PRDM11: variants seen among roughly 807,000 people sequenced by gnomAD.
PRDM11 encodes PR/SET domain 11.
In PRDM11, 20 loss-of-function variants were observed where a neutral mutation model predicts 97.8. The observed-to-expected ratio is 0.20, with a 90% CI of 0.14 to 0.30. PRDM11 has a LOEUF of 0.30. Ranked by LOEUF, PRDM11 falls within the 10% of genes least tolerant of loss-of-function variation. The pLI is 1.00. For missense variants in PRDM11, 1,139 were observed against 1,555.2 expected, an observed-to-expected ratio of 0.73 and a Z score of 4.50; for synonymous variants, 599 against 637.7, an observed-to-expected ratio of 0.94 and a Z score of 0.91.
At chr11:45,140,785 C>T (rs893139167) in intron 1 of PRDM11, among the ~76,000 whole-genome samples, 4 of 152,074 alleles carry the variant, frequency 2.6e-5, no homozygotes, top group Non-Finnish European at 5.9e-5. Flanking sequence ...AAAACAACCT[C>T]TCTAATGCCC....
chr11:45,202,323 G>C (rs1220479261), intron 4 of PRDM11, among the ~76,000 whole-genome samples: 1 of 152,168 alleles, frequency 6.6e-6, no homozygotes, highest in Non-Finnish European at 1.5e-5. Context: ...TCAACAAAAT[G>C]CTCACTGCAA....
intron 1 of PRDM11, among the ~76,000 whole-genome samples, chr11:45,139,898 A>G (rs991627838): frequency 4.6e-5 from 7 of 152,290 alleles, no homozygotes; most frequent in African/African-American, 1.2e-4. Flanking sequence ...GTTCAGGGAA[A>G]GAGAGAGAAA....
At chr11:45,122,691 A>G (rs1424016139) in intron 1 of PRDM11, among the ~76,000 whole-genome samples, 2 of 152,086 alleles carry the variant, frequency 1.3e-5, no homozygotes, top group Non-Finnish European at 2.9e-5. Context: ...TTATGGCTGC[A>G]TAGTATTCCA....
At chr11:45,184,401 T>C (rs1318648205) in intron 4 of PRDM11, among the ~76,000 whole-genome samples, 1 of 152,190 alleles carries the variant, frequency 6.6e-6, no homozygotes, top group Non-Finnish European at 1.5e-5. Context: ...TCAGGGGTGC[T>C]GGTCAAGAAT....
At chr11:45,151,437 T>G (rs1410275193) in intron 1 of PRDM11, among the ~76,000 whole-genome samples, 2 of 152,274 alleles carry the variant, frequency 1.3e-5, no homozygotes, top group Non-Finnish European at 2.9e-5. Context: ...GCAGCCACAT[T>G]GCTGGTGGTG....
At chr11:45,214,140 C>T (rs926952651) in intron 5 of PRDM11, 1 of 186,956 alleles carries the variant, frequency 5.3e-6, no homozygotes, top group African/African-American at 2.3e-5. Flanking sequence ...ATGTCCCATT[C>T]CAGGTTCCAG....
At chr11:45,207,205 A>C (rs1177250548) in intron 5 of PRDM11, among the ~76,000 whole-genome samples, 2 of 152,162 alleles carry the variant, frequency 1.3e-5, no homozygotes, top group Non-Finnish European at 2.9e-5. Context: ...CTTTCCCTTC[A>C]TGTCCAGCTT....
At chr11:45,157,381 A>C (rs1013312542) in intron 1 of PRDM11, among the ~76,000 whole-genome samples, 1 of 152,072 alleles carries the variant, frequency 6.6e-6, no homozygotes, top group Non-Finnish European at 1.5e-5. Flanking sequence ...TTCGCGTCCT[A>C]TGATAATCTA....
rs1188472699 is a variant in PRDM11, at chr11:45,228,315, G to A, written c.*156G>A. 4.1e-6 allele frequency: 1 copy of A among 244,728 alleles called. No individual in the cohort carries two copies. Among genetic ancestry groups the A allele is most frequent in the Non-Finnish European group, 6.7e-6 (1 of 149,824 alleles). The allele number at this position is 244,728 out of a possible 1,614,324, so 15.2% of individuals were successfully genotyped here. A position where few individuals can be genotyped will look rare whatever the true frequency, so the allele number is the denominator to read the frequency against. On this transcript the variant is annotated 3_prime_UTR_variant, in exon 8 of 8. Transcript: ENST00000683152. ...CACACTGAAAATTTTTAAAAACCAA[G>A]GTGACGCGTCCACCAGAAGCCACTG... is the stretch of plus-strand genomic sequence containing the variant.
chr11:45,128,165 TCTC>T (rs1337794074), intron 1 of PRDM11, among the ~76,000 whole-genome samples: 2 of 152,184 alleles, frequency 1.3e-5, no homozygotes, highest in Non-Finnish European at 2.9e-5. Context: ...CAGGATATAA[TCTC>T]CTGGTGTGCC....
intron 1 of PRDM11, among the ~76,000 whole-genome samples, chr11:45,156,870 CA>C (rs1296802632): frequency 6.6e-6 from 1 of 152,036 alleles, no homozygotes; most frequent in Non-Finnish European, 1.5e-5. Flanking sequence ...GAGGGAAGGG[CA>C]TTTTAGGCAC....
rs767802218 is a variant in PRDM11 at position 45,101,567 on chromosome 11, A to AAAAAAAAAAAGAAGAAG, written c.96+5668_96+5669insAAAAAAAAGAAGAAGAA. ...CAACACTCTGTCTCAAAAAAAAAAAAAAGAAGAAGAAGAAGAAGAAGAAGA... is the reference window on the plus strand; with the variant it reads ...CAACACTCTGTCTCAAAAAAAAAAAAAAAAAAAAAAGAAGAAGAAGAAGAAGAAGAAGAAGAAGAAGA... On this transcript the variant is annotated intron_variant, in intron 1 of 6. Transcript: ENST00000530656. Among the ~76,000 whole-genome samples the AAAAAAAAAAAGAAGAAG allele has an allele frequency of 1.3e-3, 130 of 96,838 alleles. 2 individuals carry two copies. Among genetic ancestry groups the AAAAAAAAAAAGAAGAAG allele is most frequent in the Admixed American group, 2.4e-3 (23 of 9,418 alleles). 63.5% of individuals were successfully genotyped at this position (96,838 alleles called of 152,430 possible).
In PRDM11 at chr11:45,225,917, A is replaced by G. The variant is rs912184759; in HGVS notation, c.1370-78A>G. ...TCCCATGGTGTGGCACCTACCTTCC[A>G]GGAGTGTTTCCTGTGGATTTTGGAA... On this transcript the variant is annotated intron_variant, in intron 7 of 7. Coordinates refer to ENST00000683152, the MANE Select transcript of PRDM11 (RefSeq NM_001384648.1). 4.9e-6 allele frequency: 7 copies of G among 1,425,680 alleles called. No individual in the cohort carries two copies. In the Admixed American group the frequency reaches 1.1e-4, roughly 23 times the overall value. 88.3% of individuals were successfully genotyped at this position (1,425,680 alleles called of 1,614,324 possible). A position where few individuals can be genotyped will look rare whatever the true frequency, so the allele number is the denominator to read the frequency against.
intron 1 of PRDM11, among the ~76,000 whole-genome samples, chr11:45,109,809 G>A (rs563181738): frequency 6.6e-6 from 1 of 152,330 alleles, no homozygotes; most frequent in East Asian, 1.9e-4. Flanking sequence ...AGATGGGGAA[G>A]GGTGGGCTTT....
chr11:45,208,682 G>A lies in PRDM11; in HGVS notation c.554+3904G>A, dbSNP rs535700428. 1.2e-4 allele frequency among the ~76,000 whole-genome samples: 18 copies of A among 152,200 alleles called. No homozygotes were observed. In the East Asian group the frequency reaches 2.9e-3, roughly 25 times the overall value. Reference sequence around the variant, plus strand: ...AGTTCAGTGCTCCCTCCCATGTAACGCCGTCTCTTCTTTCCACCCTCCCCT... The same window carrying A: ...AGTTCAGTGCTCCCTCCCATGTAACACCGTCTCTTCTTTCCACCCTCCCCT... On this transcript the variant is annotated intron_variant, in intron 5 of 7. Transcript: ENST00000683152.
Position 45,219,837 on chromosome 11 carries a change from G to A in PRDM11, c.742+80G>A, listed in dbSNP as rs369383462. 1.5e-5 allele frequency: 21 copies of A among 1,436,024 alleles called. No homozygotes were observed. The East Asian group carries it at 2.7e-4, about 19-fold the overall frequency. The allele number at this position is 1,436,024 out of a possible 1,614,324, so 89.0% of individuals were successfully genotyped here. A position where few individuals can be genotyped will look rare whatever the true frequency, so the allele number is the denominator to read the frequency against. On this transcript the variant is annotated intron_variant, in intron 6 of 7. Transcript: ENST00000683152. The surrounding 1 kb of genome is among the most constrained non-coding windows in gnomAD (Gnocchi z 4.2). ...TGGATAGCTTGTTTTGGAGCTTCCT[G>A]AGAAATACGGTTCCCAGCAATGGGA...
intron 1 of PRDM11, among the ~76,000 whole-genome samples, chr11:45,100,899 A>G (rs1851962108): frequency 6.6e-6 from 1 of 152,360 alleles, no homozygotes; most frequent in Middle Eastern, 3.4e-3. Flanking sequence ...TACAAAGTTT[A>G]AGTATTTGCC....
intron 1 of PRDM11, among the ~76,000 whole-genome samples, chr11:45,167,541 T>C (rs1016292662): frequency 3.9e-5 from 6 of 152,102 alleles, no homozygotes; most frequent in Non-Finnish European, 8.8e-5. Flanking sequence ...TCAGCAGCTT[T>C]TGTAGCAAGC....
intron 5 of PRDM11, chr11:45,212,496 C>T (rs1172800683): frequency 6.9e-6 from 3 of 434,016 alleles, no homozygotes; most frequent in Non-Finnish European, 1.4e-5. Flanking sequence ...GCGCCTGGGC[C>T]CTCAAGGCAG....
Sources: allele counts gnomAD v4.1 joint callset (sites outside exome capture counted in the v4.1 genomes callset), GRCh38; gene constraint gnomAD v4.1.1; non-coding constraint Gnocchi (gnomAD v3.1); transcripts MANE v1.5; gene names NCBI Gene and HGNC (gene_info 2026-07-23, HGNC 2026-07-21).